EXOC4: variants seen among roughly 807,000 people sequenced by gnomAD.
EXOC4 encodes the protein SEC8-like 1.
A neutral mutation model predicts 107.2 loss-of-function variants in EXOC4; 71 were observed. The ratio of observed to expected loss-of-function variants is 0.66; its 90% CI spans 0.55 to 0.81. The LOEUF (loss-of-function observed/expected upper bound fraction) is 0.81. EXOC4 is among the 30% of genes least tolerant of loss of function. The pLI is 0.00. For missense variants in EXOC4, 1,108 were observed against 1,189.6 expected (o/e 0.93, Z 1.01); for synonymous variants, 456 against 441.2 (o/e 1.03, Z -0.42).
intron 9 of EXOC4, among the ~76,000 whole-genome samples, chr7:133,530,760 A>G (rs549888819): frequency 5.6e-4 from 85 of 152,292 alleles, no homozygotes; most frequent in Admixed American, 1.6e-3. Context: ...TTTTGAGAGT[A>G]AAAAAAGGAA....
At chr7:133,677,318 C>T (rs1187248933) in intron 10 of EXOC4, among the ~76,000 whole-genome samples, 1 of 152,052 alleles carries the variant, frequency 6.6e-6, no homozygotes, top group Non-Finnish European at 1.5e-5. Context: ...GGTCAAAGTG[C>T]CGTATGCAGG....
chr7:133,801,837 A>C (rs1323466161), intron 10 of EXOC4, among the ~76,000 whole-genome samples: 3 of 152,180 alleles, frequency 2.0e-5, no homozygotes, highest in Non-Finnish European at 2.9e-5. Context: ...ATAAATTAAC[A>C]CACCAATAAT....
intron 14 of EXOC4, among the ~76,000 whole-genome samples, chr7:133,993,061 T>C (rs1310285129): frequency 6.6e-6 from 1 of 152,150 alleles, no homozygotes; most frequent in Non-Finnish European, 1.5e-5. Context: ...TTTATTGATT[T>C]GCATATGTTG....
intron 10 of EXOC4, among the ~76,000 whole-genome samples, chr7:133,681,823 A>G (rs901761679): frequency 6.6e-6 from 1 of 152,102 alleles, no homozygotes; most frequent in African/African-American, 2.4e-5. Context: ...TGTACGTTTT[A>G]GTTGTAAGGA....
At chr7:133,847,683 C>T (rs1024619797) in intron 11 of EXOC4, among the ~76,000 whole-genome samples, 1 of 150,842 alleles carries the variant, frequency 6.6e-6, no homozygotes, top group African/African-American at 2.4e-5. Flanking sequence ...CTGTGCCCGG[C>T]CCGGTTAGGA....
At chr7:133,912,788 G>A (rs1040893496) in intron 12 of EXOC4, among the ~76,000 whole-genome samples, 1 of 152,114 alleles carries the variant, frequency 6.6e-6, no homozygotes, top group Admixed American at 6.5e-5. Context: ...TAAAATAGAC[G>A]TTGGCAAACG....
intron 7 of EXOC4, among the ~76,000 whole-genome samples, chr7:133,414,382 A>G (rs1398333898): frequency 6.6e-6 from 1 of 152,180 alleles, no homozygotes; most frequent in Non-Finnish European, 1.5e-5. Flanking sequence ...ATAAATTACT[A>G]CAATCTTTTA....
chr7:134,061,503 A>G (rs1365781015), intron 17 of EXOC4, among the ~76,000 whole-genome samples: 2 of 152,144 alleles, frequency 1.3e-5, no homozygotes, highest in African/African-American at 4.8e-5. Flanking sequence ...CACTTTTCAT[A>G]GGCGCCCCAA....
chr7:133,623,955 A>G (rs964847807), intron 9 of EXOC4, among the ~76,000 whole-genome samples: 3 of 152,166 alleles, frequency 2.0e-5, no homozygotes, highest in Non-Finnish European at 4.4e-5. Context: ...ACAGCTGTGA[A>G]TTCAGGGAAC....
intron 10 of EXOC4, among the ~76,000 whole-genome samples, chr7:133,796,350 C>T (rs1796814197): frequency 1.3e-5 from 2 of 152,166 alleles, no homozygotes; most frequent in Admixed American, 6.5e-5. Context: ...GGAAATAGGG[C>T]CAGAGAACCA....
At chr7:133,678,468 G>A (rs1277240356) in intron 10 of EXOC4, among the ~76,000 whole-genome samples, 1 of 152,092 alleles carries the variant, frequency 6.6e-6, no homozygotes, top group Non-Finnish European at 1.5e-5. Flanking sequence ...TTAAAGTAAC[G>A]AATTTCTCAA....
chr7:133,910,535 C>T (rs1369525335), intron 12 of EXOC4, among the ~76,000 whole-genome samples: 1 of 152,150 alleles, frequency 6.6e-6, no homozygotes, highest in African/African-American at 2.4e-5. Context: ...CAAAGATGTT[C>T]TGATGTTTCT....
chr7:134,004,778 A>C lies in EXOC4; in HGVS notation c.2349-134A>C, dbSNP rs904206441. 3 of 683,832 alleles carry C rather than the reference A, an allele frequency of 4.4e-6. No homozygotes were observed. In the South Asian group the frequency reaches 6.3e-5, roughly 14 times the overall value. The allele number at this position is 683,832 out of a possible 1,614,324, so 42.4% of individuals were successfully genotyped here. A position where few individuals can be genotyped will look rare whatever the true frequency, so the allele number is the denominator to read the frequency against. ...TCTGGCACAAATAGGGTACACAGTA[A>C]GTGTTGGCTATCATGGCTAGTCTTA... On this transcript the variant is annotated intron_variant, in intron 15 of 17. Coordinates refer to ENST00000253861, the MANE Select transcript of EXOC4 (RefSeq NM_021807.4).
At chr7:133,983,318 T>A (rs1354369634) in intron 14 of EXOC4, among the ~76,000 whole-genome samples, 1 of 152,156 alleles carries the variant, frequency 6.6e-6, no homozygotes, top group Non-Finnish European at 1.5e-5. Context: ...TTCCAAACTA[T>A]ATCAAGAAGG....
chr7:133,787,963 TTATATATATA>T (rs1163259405), intron 10 of EXOC4, among the ~76,000 whole-genome samples: 1,219 of 40,922 alleles, frequency 0.03, 79 homozygotes, highest in Middle Eastern at 0.09. Context: ...ATTTATATAT[TTATATATATA>T]TATATATATA....
chr7:133,456,424 A>C (rs558921547), intron 7 of EXOC4, among the ~76,000 whole-genome samples: 26 of 152,316 alleles, frequency 1.7e-4, no homozygotes, highest in Admixed American at 4.6e-4. Flanking sequence ...TATGGAGCAC[A>C]CTACCATAAT....
chr7:133,403,517 G>C (rs1279539301), intron 7 of EXOC4, among the ~76,000 whole-genome samples: 1 of 134,720 alleles, frequency 7.4e-6, no homozygotes, highest in Non-Finnish European at 1.5e-5. Context: ...AATTAGAATG[G>C]TACCAACATT....
At chr7:133,861,402 C>G (rs1798530594) in intron 11 of EXOC4, among the ~76,000 whole-genome samples, 1 of 151,984 alleles carries the variant, frequency 6.6e-6, no homozygotes, top group African/African-American at 2.4e-5. Flanking sequence ...TGCCCCTGAA[C>G]CTAGAATAAA....
chr7:133,832,044 C>T (rs1797821871), intron 11 of EXOC4, among the ~76,000 whole-genome samples: 1 of 152,140 alleles, frequency 6.6e-6, no homozygotes, highest in South Asian at 2.1e-4. Flanking sequence ...AGCAATAACA[C>T]AGTCATTCAA....
Sources: gnomAD v4.1 joint callset for allele counts (sites outside exome capture counted in the v4.1 genomes callset) on GRCh38, gnomAD v4.1.1 for gene constraint, MANE v1.5 for transcripts, NCBI Gene and HGNC (gene_info 2026-07-23, HGNC 2026-07-21) for gene names.